DDX1: variants seen among roughly 807,000 people sequenced by gnomAD.
DDX1 encodes ATP-dependent RNA helicase DDX1.
In DDX1, 28 loss-of-function variants were observed where a neutral mutation model predicts 108.7. That is an observed-to-expected ratio of 0.26 (90% CI 0.19 to 0.35). The LOEUF (loss-of-function observed/expected upper bound fraction) is 0.35, where lower values mean the gene tolerates loss of function less well. Among genes scored for constraint, DDX1 ranks in the 10% least tolerant of loss-of-function variants. The pLI is 1.00. For missense variants in DDX1, 710 were observed against 884.5 expected, an observed-to-expected ratio of 0.80 and a Z score of 2.50; for synonymous variants, 295 against 288.9, an observed-to-expected ratio of 1.02 and a Z score of -0.21.
intron 16 of DDX1, among the ~76,000 whole-genome samples, chr2:15,618,486 G>A (rs537756270): frequency 2.6e-5 from 4 of 152,308 alleles, no homozygotes; most frequent in South Asian, 2.1e-4. Flanking sequence ...TGAGCCAGGC[G>A]CGGAGTGGTG....
chr2:15,597,913 T>G (rs1258438460), intron 5 of DDX1, among the ~76,000 whole-genome samples: 1 of 151,982 alleles, frequency 6.6e-6, no homozygotes, highest in African/African-American at 2.4e-5. Context: ...GGGAACCACC[T>G]AGGAAGTTAA....
At chr2:15,630,262 T>C (rs1666171040) in intron 25 of DDX1, 152 bp downstream of exon 25, 4 of 743,830 alleles carry the variant, frequency 5.4e-6, no homozygotes, top group Non-Finnish European at 6.5e-6. Context: ...TAGTACTTTG[T>C]CCATACCTGC....
chr2:15,610,682 C>A (rs1046582370), intron 13 of DDX1, among the ~76,000 whole-genome samples: 4 of 152,094 alleles, frequency 2.6e-5, no homozygotes, highest in Non-Finnish European at 4.4e-5. Flanking sequence ...TGTCTGAAAA[C>A]ATAGATTGAA....
At chr2:15,617,127 TTGAC>T (rs1665908783) in intron 14 of DDX1, 113 bp from the exon 15 acceptor site, 2 of 440,676 alleles carry the variant, frequency 4.5e-6, no homozygotes, top group Admixed American at 3.9e-5. Flanking sequence ...AAATTTAGAG[TTGAC>T]TGACTACTTC....
At chr2:15,599,786 C>A in intron 6 of DDX1, 70 bp downstream of exon 6, 1 of 1,080,388 alleles carries the variant, frequency 9.3e-7, no homozygotes. Flanking sequence ...ATGAGAACAC[C>A]AAGTAAATAA....
intron 9 of DDX1, 113 bp downstream of exon 9, chr2:15,604,003 G>A (rs747691915): frequency 6.9e-5 from 46 of 666,810 alleles, no homozygotes; most frequent in Non-Finnish European, 1.0e-4. Context: ...CAGATTTTCT[G>A]TATATTTTCC....
rs1665917424 is a variant in DDX1, at chr2:15,617,397, A to G, written c.1116+55A>G. ...AAAGTTTACTTATATTTTTTGAGATAAAATATATAAAATGAAGAAGAAATA... is the reference window on the plus strand; with the variant it reads ...AAAGTTTACTTATATTTTTTGAGATGAAATATATAAAATGAAGAAGAAATA... On this transcript the variant is annotated intron_variant, in intron 15 of 25. Coordinates refer to ENST00000233084, the MANE Select transcript of DDX1 (RefSeq NM_004939.3). 13 of 978,642 alleles carry G rather than the reference A, an allele frequency of 1.3e-5. No individual in the cohort carries two copies. In the East Asian group the frequency reaches 3.6e-4, roughly 27 times the overall value. The allele number at this position is 978,642 out of a possible 1,614,324, so 60.6% of individuals were successfully genotyped here.
At position 15,628,986 on chromosome 2, in the gene DDX1, A is replaced by G. The variant is rs951801630; in HGVS notation, c.1875+147A>G. On this transcript the variant is annotated intron_variant, in intron 23 of 25. Transcript: ENST00000233084. ...TTTTTAATGTCATCTTTTTTCCTAT[A>G]TTCATTGAATGGACAAATAATAGGG... 4.2e-6 allele frequency: 3 copies of G among 719,728 alleles called. No homozygotes were observed. The African/African-American group carries it at 5.4e-5, about 13-fold the overall frequency. The allele number at this position is 719,728 out of a possible 1,614,324, so 44.6% of individuals were successfully genotyped here.
At chr2:15,616,817 A>G (rs1273737814) in intron 14 of DDX1, among the ~76,000 whole-genome samples, 1 of 152,164 alleles carries the variant, frequency 6.6e-6, no homozygotes, top group East Asian at 1.9e-4. Context: ...AATTATCACA[A>G]CCATCTTGAA....
intron 23 of DDX1, 82 bp downstream of exon 23, chr2:15,628,921 A>C (rs558810444): frequency 7.4e-7 from 1 of 1,360,112 alleles, no homozygotes; most frequent in Admixed American, 1.7e-5. Flanking sequence ...TGATTTTCCC[A>C]TTTAAATTTA....
At chr2:15,613,018 C>G in intron 13 of DDX1, among the ~76,000 whole-genome samples, 1 of 142,094 alleles carries the variant, frequency 7.0e-6, no homozygotes, top group African/African-American at 2.6e-5. Context: ...AGAGGGAGAC[C>G]GTGGGGAGAG....
chr2:15,596,435 T>C (rs1208286612), intron 3 of DDX1, among the ~76,000 whole-genome samples: 1 of 152,218 alleles, frequency 6.6e-6, no homozygotes, highest in Non-Finnish European at 1.5e-5. Flanking sequence ...TAGCAGATTG[T>C]AGTATAGCTC....
intron 23 of DDX1, 87 bp from the exon 24 acceptor site, chr2:15,629,515 G>T: frequency 1.0e-6 from 1 of 956,594 alleles, no homozygotes; most frequent in Admixed American, 2.9e-5. Context: ...CTTGAGGACA[G>T]AAAACAATTA....
intron 1 of DDX1, among the ~76,000 whole-genome samples, chr2:15,594,768 T>A (rs1665472542): frequency 6.6e-6 from 1 of 152,228 alleles, no homozygotes; most frequent in Admixed American, 6.5e-5. Flanking sequence ...CTTGGCAGAC[T>A]TTTCACGAGT....
chr2:15,595,475 A>G lies in DDX1; in HGVS notation c.69-15A>G. The G allele has an allele frequency of 6.2e-7, 1 of 1,603,016 alleles. No individual in the cohort carries two copies. Among genetic ancestry groups the G allele is most frequent in the Non-Finnish European group, 8.5e-7 (1 of 1,170,338 alleles). Reference sequence around the variant, plus strand: ...TTCCCCAGTAACTAAAATTCTTCAAATATGATTCTTTTAGCCTCCCAACTG... The same window carrying G: ...TTCCCCAGTAACTAAAATTCTTCAAGTATGATTCTTTTAGCCTCCCAACTG... On this transcript the variant is annotated splice_polypyrimidine_tract_variant and intron_variant, in intron 2 of 25. Coordinates refer to ENST00000233084, the MANE Select transcript of DDX1 (RefSeq NM_004939.3).
In DDX1 at chr2:15,603,709, G is replaced by T. The variant is rs552331217; in HGVS notation, c.476-105G>T. 2.1e-5 allele frequency: 16 copies of T among 745,208 alleles called. No individual in the cohort carries two copies. In the African/African-American group the frequency reaches 2.7e-4, roughly 12 times the overall value. 46.2% of individuals were successfully genotyped at this position (745,208 alleles called of 1,614,324 possible). A position where few individuals can be genotyped will look rare whatever the true frequency, so the allele number is the denominator to read the frequency against. ...GAAACTTAGGGAATAGTTTTCCTGTGGGTTTATGAAATGGACATACTATGT... is the reference window on the plus strand; with the variant it reads ...GAAACTTAGGGAATAGTTTTCCTGTTGGTTTATGAAATGGACATACTATGT... On this transcript the variant is annotated intron_variant, in intron 8 of 25. Transcript: ENST00000233084.
intron 5 of DDX1, among the ~76,000 whole-genome samples, 188 bp from the exon 6 acceptor site, chr2:15,599,481 A>G (rs193121805): frequency 0.011 from 1,575 of 142,292 alleles, 22 homozygotes; most frequent in African/African-American, 0.039. Flanking sequence ...TAATTTTTGT[A>G]TTTTTTTTTT....
intron 17 of DDX1, 108 bp downstream of exon 17, chr2:15,620,504 A>T (rs565288003): frequency 2.6e-6 from 2 of 782,428 alleles, no homozygotes; most frequent in South Asian, 3.9e-5. Flanking sequence ...GTATCAAAGA[A>T]AAGTCCAATA....
At chr2:15,618,107 T>C in intron 15 of DDX1, 74 bp from the exon 16 acceptor site, 1 of 814,464 alleles carries the variant, frequency 1.2e-6, no homozygotes, top group Non-Finnish European at 2.0e-6. Context: ...AAAAAAGATT[T>C]TTGATACTGA....
Sources: allele counts gnomAD v4.1 joint callset (sites outside exome capture counted in the v4.1 genomes callset), GRCh38; gene constraint gnomAD v4.1.1; transcripts MANE v1.5; gene names NCBI Gene and HGNC (gene_info 2026-07-23, HGNC 2026-07-21).